The following TNFSF11 variants were observed in gnomAD, a reference collection of about 807,000 sequenced individuals.
TNFSF11 encodes the protein tumor necrosis factor ligand superfamily member 11.
Under a neutral mutation model 32.2 loss-of-function variants are expected in TNFSF11, and 12 were observed. The observed-to-expected ratio is 0.37, with a 90% CI of 0.24 to 0.60. TNFSF11 has a LOEUF of 0.60. TNFSF11 is among the 20% of genes least tolerant of loss of function. The pLI, the probability that TNFSF11 is intolerant of heterozygous loss-of-function variation, is 0.66. For synonymous variants in TNFSF11, 172 were observed against 152.1 expected, an observed-to-expected ratio of 1.13 and a Z score of -0.96; for missense variants, 345 against 398.0, an observed-to-expected ratio of 0.87 and a Z score of 1.13.
At chr13:42,585,695 G>A (rs149605627) in intron 2 of TNFSF11, among the ~76,000 whole-genome samples, 1 of 152,308 alleles carries the variant, frequency 6.6e-6, no homozygotes, top group Non-Finnish European at 1.5e-5. Context: ...ATCCAAACGA[G>A]GACTCCCAAA....
intron 2 of TNFSF11, among the ~76,000 whole-genome samples, chr13:42,589,234 G>T (rs75821388): frequency 0.021 from 3,207 of 152,162 alleles, 121 homozygotes; most frequent in African/African-American, 0.073. Context: ...TCAGAAGATG[G>T]TCTTATCCTT....
intron 1 of TNFSF11, among the ~76,000 whole-genome samples, chr13:42,565,396 T>C (rs1192919181): frequency 6.6e-6 from 1 of 152,108 alleles, no homozygotes; most frequent in Non-Finnish European, 1.5e-5. Context: ...ATCTTTTAGG[T>C]TCTATTTTTT....
chr13:42,599,326 T>TATC (rs1023161499), intron 2 of TNFSF11, among the ~76,000 whole-genome samples: 5 of 142,126 alleles, frequency 3.5e-5, no homozygotes, highest in Non-Finnish European at 6.2e-5. Flanking sequence ...TCTATCTATC[T>TATC]ATCTATCTAT....
At position 42,574,382 on chromosome 13, in the gene TNFSF11, G is replaced by T. The variant is rs754979296; in HGVS notation, c.79G>T (p.Glu27Ter). Residue 27 changes from glutamate (E) to a stop codon, truncating the protein, a stop_gained, in exon 1 of 5, where the codon GAG becomes TAG. Transcript: ENST00000398795. LOFTEE classifies it high-confidence loss of function. ...GGGCGGCGGCCCCGGAGCCCCGCACGAGGGCCCCCTGCACGCCCCGCCGCC... is the reference window on the plus strand; with the variant it reads ...GGGCGGCGGCCCCGGAGCCCCGCACTAGGGCCCCCTGCACGCCCCGCCGCC... ...EMGGGPGAPH[E>*]GPLHAPPPPA... 2 of 1,546,254 alleles carry T rather than the reference G, an allele frequency of 1.3e-6. No homozygotes were observed. The highest frequency in any genetic ancestry group is 2.7e-5 in the African/African-American group (2 of 72,750).
intron 2 of TNFSF11, among the ~76,000 whole-genome samples, chr13:42,594,402 G>A (rs7330889): frequency 0.43 from 65,748 of 151,178 alleles, 14,403 homozygotes; most frequent in East Asian, 0.49. Context: ...TACTTTGTAA[G>A]TTGAAAAAAA....
chr13:42,590,835 C>T (rs978249220), intron 2 of TNFSF11, among the ~76,000 whole-genome samples: 1 of 152,188 alleles, frequency 6.6e-6, no homozygotes, highest in Non-Finnish European at 1.5e-5. Flanking sequence ...GAAGGTTAAA[C>T]AATAAAAACT....
chr13:42,570,906 T>C (rs561948502), upstream of TNFSF11, among the ~76,000 whole-genome samples: 11 of 152,330 alleles, frequency 7.2e-5, no homozygotes, highest in African/African-American at 2.4e-4. Context: ...TAGACCCTAG[T>C]ATTATAAGAT....
At chr13:42,586,064 T>C (rs1873882336) in intron 2 of TNFSF11, among the ~76,000 whole-genome samples, 1 of 152,238 alleles carries the variant, frequency 6.6e-6, no homozygotes, top group South Asian at 2.1e-4. Context: ...AGCTGTGCTT[T>C]AGTAAATATT....
At chr13:42,565,720 T>TA (rs1872845700) in intron 1 of TNFSF11, among the ~76,000 whole-genome samples, 1 of 148,204 alleles carries the variant, frequency 6.7e-6, no homozygotes, top group African/African-American at 2.7e-5. Context: ...AGCCTGGACT[T>TA]TATCTTAAGT....
intron 4 of TNFSF11, among the ~76,000 whole-genome samples, chr13:42,602,644 AGTGGAAAAC>A (rs1476055493): frequency 6.6e-6 from 1 of 152,198 alleles, no homozygotes; most frequent in Non-Finnish European, 1.5e-5. Context: ...ATTTTCTCTG[AGTGGAAAAC>A]TGTTTTGCAT....
intron 4 of TNFSF11, among the ~76,000 whole-genome samples, chr13:42,601,202 A>G (rs1335339052): frequency 1.3e-5 from 2 of 152,196 alleles, no homozygotes; most frequent in African/African-American, 4.8e-5. Flanking sequence ...TTTTCAGATC[A>G]TCAGAATGGA....
intron 1 of TNFSF11, among the ~76,000 whole-genome samples, chr13:42,565,421 C>T (rs1872835517): frequency 6.6e-6 from 1 of 152,014 alleles, no homozygotes; most frequent in South Asian, 2.1e-4. Flanking sequence ...GTTACTACAA[C>T]ATTTGCCTTA....
chr13:42,571,912 C>A (rs1873082390), upstream of TNFSF11, among the ~76,000 whole-genome samples: 1 of 152,182 alleles, frequency 6.6e-6, no homozygotes, highest in South Asian at 2.1e-4. Context: ...AAGTATTTAC[C>A]ATGCACCTAC....
chr13:42,564,560 T>A (rs1174576227), intron 1 of TNFSF11, among the ~76,000 whole-genome samples: 1 of 149,426 alleles, frequency 6.7e-6, no homozygotes, highest in Non-Finnish European at 1.5e-5. Context: ...AGAATGAAAC[T>A]CCATTTCAAA....
intron 1 of TNFSF11, among the ~76,000 whole-genome samples, chr13:42,580,900 C>T (rs1443163092): frequency 4.6e-5 from 7 of 152,184 alleles, no homozygotes; most frequent in South Asian, 2.1e-4. Flanking sequence ...AAAAGCCCAT[C>T]GCAGGACTAA....
chr13:42,563,840 T>G (rs970089205), intron 1 of TNFSF11, among the ~76,000 whole-genome samples: 5 of 151,686 alleles, frequency 3.3e-5, no homozygotes, highest in African/African-American at 1.2e-4. Context: ...ACTTTGTGAT[T>G]TTCTGACATT....
At chr13:42,582,687 A>G (rs967717052) in intron 2 of TNFSF11, among the ~76,000 whole-genome samples, 5 of 152,264 alleles carry the variant, frequency 3.3e-5, no homozygotes, top group African/African-American at 1.2e-4. Context: ...CTTCACGCAG[A>G]ATAGATGTAT....
upstream of TNFSF11, among the ~76,000 whole-genome samples, chr13:42,570,656 A>G (rs1314422839): frequency 6.6e-6 from 1 of 152,208 alleles, no homozygotes; most frequent in East Asian, 1.9e-4. Context: ...TTTATGATAA[A>G]TAAGGCAGAT....
upstream of TNFSF11, among the ~76,000 whole-genome samples, chr13:42,569,769 C>G (rs1872996794): frequency 6.6e-6 from 1 of 151,876 alleles, no homozygotes; most frequent in Non-Finnish European, 1.5e-5. Flanking sequence ...GAATGACTTC[C>G]TTTTTCATTT....
Sources: gnomAD v4.1 joint callset for allele counts (sites outside exome capture counted in the v4.1 genomes callset) on GRCh38, gnomAD v4.1.1 for gene constraint, MANE v1.5 for transcripts, NCBI Gene and HGNC (gene_info 2026-07-23, HGNC 2026-07-21) for gene names.